EML4: variants seen among roughly 807,000 people sequenced by gnomAD.
EML4 encodes the protein echinoderm microtubule-associated protein-like 4.
EML4 carries 72 observed loss-of-function variants against 129.0 expected under a neutral mutation model. The observed-to-expected ratio is 0.56, with a 90% CI of 0.46 to 0.68. The LOEUF (loss-of-function observed/expected upper bound fraction) is 0.68. EML4 is among the 30% of genes least tolerant of loss of function. EML4 has a pLI of 0.00. For synonymous variants in EML4, 532 were observed against 405.0 expected (o/e 1.31, Z -3.77); for missense variants, 1,363 against 1,190.6 (o/e 1.14, Z -2.13).
At chr2:42,171,376 T>C (rs1020960112) in intron 1 of EML4, among the ~76,000 whole-genome samples, 1 of 152,230 alleles carries the variant, frequency 6.6e-6, no homozygotes, top group Non-Finnish European at 1.5e-5. Flanking sequence ...CTCTAAAGAT[T>C]TCTGGAGGGC....
intron 6 of EML4, among the ~76,000 whole-genome samples, chr2:42,274,079 C>T (rs998520358): frequency 2.6e-5 from 4 of 152,076 alleles, no homozygotes; most frequent in Admixed American, 2.6e-4. Context: ...TTTTGGTTGT[C>T]CTTTTGTTTA....
chr2:42,302,237 A>G (rs140054136), intron 14 of EML4, among the ~76,000 whole-genome samples: 5 of 152,236 alleles, frequency 3.3e-5, no homozygotes, highest in East Asian at 1.9e-4. Flanking sequence ...GTAATTGAAC[A>G]TATTTATGGG....
At chr2:42,250,377 A>G (rs1234729291) in intron 2 of EML4, among the ~76,000 whole-genome samples, 1 of 152,182 alleles carries the variant, frequency 6.6e-6, no homozygotes, top group East Asian at 1.9e-4. Flanking sequence ...GGATTCAGGG[A>G]TTATCATAGG....
rs757152315 is a variant in EML4 at position 42,316,058 on chromosome 2, A to G, written c.2056+8A>G. 5 of 1,598,606 alleles carry G rather than the reference A, an allele frequency of 3.1e-6. No individual in the cohort carries two copies. Among genetic ancestry groups the G allele is most frequent in the Non-Finnish European group, 4.3e-6 (5 of 1,166,684 alleles). ...TGATGCGCTACTCAATAGGTAGGCA[A>G]ATTTACTCCCACCTCCCAAGCATGG... On this transcript the variant is annotated splice_region_variant and intron_variant, in intron 18 of 22. Coordinates refer to ENST00000318522, the MANE Select transcript of EML4 (RefSeq NM_019063.5).
chr2:42,231,745 C>T (rs773327163), intron 1 of EML4, among the ~76,000 whole-genome samples: 2 of 152,122 alleles, frequency 1.3e-5, no homozygotes, highest in Admixed American at 1.3e-4. Context: ...GTCAGGAGAT[C>T]GAGACCATCC....
chr2:42,203,849 T>A, intron 1 of EML4, among the ~76,000 whole-genome samples: 1 of 152,128 alleles, frequency 6.6e-6, no homozygotes, highest in South Asian at 2.1e-4. Context: ...GTAATAATAA[T>A]GAAAATATAG....
chr2:42,173,730 G>C (rs1008315032), intron 1 of EML4, among the ~76,000 whole-genome samples: 3 of 152,150 alleles, frequency 2.0e-5, no homozygotes, highest in Admixed American at 6.5e-5. Flanking sequence ...TGTAACCCCA[G>C]CTACTTGGGA....
intron 1 of EML4, among the ~76,000 whole-genome samples, chr2:42,182,907 T>A (rs1470765422): frequency 6.6e-6 from 1 of 152,158 alleles, no homozygotes; most frequent in Non-Finnish European, 1.5e-5. Flanking sequence ...ATATCACTGG[T>A]GCCTGTGTGT....
At chr2:42,276,516 TGCGGACAGTCACTTTAAA>T (rs1291358825) in intron 6 of EML4, among the ~76,000 whole-genome samples, 3 of 152,242 alleles carry the variant, frequency 2.0e-5, no homozygotes, top group Non-Finnish European at 4.4e-5. Flanking sequence ...CTTGCTGTTC[TGCGGACAGTCACTTTAAA>T]GCTTATGAAA....
chr2:42,178,573 G>A (rs1182763930), intron 1 of EML4, among the ~76,000 whole-genome samples: 1 of 152,072 alleles, frequency 6.6e-6, no homozygotes, highest in Non-Finnish European at 1.5e-5. Context: ...GATTTTCCTT[G>A]TTTGTAGTGT....
Position 42,256,581 on chromosome 2 carries a change from A to T in EML4, c.289A>T (p.Ser97Cys). ...SGANRKPSHT[S>C]AVSIAGKETL... ...TGCAAACAGAAAACCAAGTCATACCAGTGCTGTCTCAATTGCAGGAAAAGA... is the reference window on the plus strand; with the variant it reads ...TGCAAACAGAAAACCAAGTCATACCTGTGCTGTCTCAATTGCAGGAAAAGA... The change falls in exon 3 of 23, where the codon AGT becomes TGT. Residue 97 changes from serine to cysteine, a missense_variant. Ser to Cys is a moderately radical substitution (Grantham distance 112). Coordinates refer to ENST00000318522, the MANE Select transcript of EML4 (RefSeq NM_019063.5). The T allele has an allele frequency of 6.2e-7, 1 of 1,614,022 alleles. No homozygotes were observed. Among genetic ancestry groups the T allele is most frequent in the Non-Finnish European group, 8.5e-7 (1 of 1,179,900 alleles).
chr2:42,211,798 C>T (rs1672900951), intron 1 of EML4, among the ~76,000 whole-genome samples: 1 of 151,976 alleles, frequency 6.6e-6, no homozygotes, highest in Non-Finnish European at 1.5e-5. Flanking sequence ...TGGCAGCAAA[C>T]GTAGTATTTT....
intron 2 of EML4, among the ~76,000 whole-genome samples, chr2:42,254,794 C>G (rs1676015407): frequency 6.6e-6 from 1 of 151,718 alleles, no homozygotes; most frequent in South Asian, 2.1e-4. Flanking sequence ...GGTATATACT[C>G]AAAATAATTG....
intron 11 of EML4, among the ~76,000 whole-genome samples, chr2:42,291,698 G>A (rs1427242849): frequency 6.6e-6 from 1 of 151,848 alleles, no homozygotes; most frequent in African/African-American, 2.4e-5. Context: ...GAGCCACCAC[G>A]CCCCGCCTAT....
chr2:42,306,632 A>G (rs1187259577), intron 17 of EML4, among the ~76,000 whole-genome samples: 1 of 149,894 alleles, frequency 6.7e-6, no homozygotes, highest in East Asian at 2.0e-4. Flanking sequence ...AGCTGGGACT[A>G]CAGGCGCCCT....
intron 6 of EML4, among the ~76,000 whole-genome samples, chr2:42,268,218 A>C (rs1028536132): frequency 6.6e-6 from 1 of 152,226 alleles, no homozygotes; most frequent in Non-Finnish European, 1.5e-5. Context: ...GAACATGTAT[A>C]AACTTTTTTT....
chr2:42,228,313 G>A (rs1415121132), intron 1 of EML4, among the ~76,000 whole-genome samples: 1 of 152,156 alleles, frequency 6.6e-6, no homozygotes, highest in Non-Finnish European at 1.5e-5. Flanking sequence ...TGGGTGGTCA[G>A]CACCCCTAAC....
chr2:42,171,793 T>A (rs1248117691), intron 1 of EML4, among the ~76,000 whole-genome samples: 1 of 152,092 alleles, frequency 6.6e-6, no homozygotes. Context: ...CAGTGGGAGC[T>A]CTGTGCTTTC....
At chr2:42,240,915 CAGAT>C (rs1241504990) in intron 1 of EML4, among the ~76,000 whole-genome samples, 3 of 152,026 alleles carry the variant, frequency 2.0e-5, no homozygotes, top group Non-Finnish European at 4.4e-5. Flanking sequence ...CCAAGGCAGG[CAGAT>C]AGATCCCTTG....
Sources: gnomAD v4.1 joint callset for allele counts (sites outside exome capture counted in the v4.1 genomes callset) on GRCh38, gnomAD v4.1.1 for gene constraint, MANE v1.5 for transcripts, NCBI Gene and HGNC (gene_info 2026-07-23, HGNC 2026-07-21) for gene names.